COPG2: variants seen among roughly 807,000 people sequenced by gnomAD.
The protein encoded by COPG2 is coat protein complex I subunit gamma 2, also known as coatomer subunit gamma-2.
Under a neutral mutation model 46.3 loss-of-function variants are expected in COPG2, and 37 were observed. The observed-to-expected ratio is 0.80, with a 90% CI of 0.61 to 1.05. The LOEUF is 1.05. COPG2 is among the 50% of genes least tolerant of loss of function. COPG2 has a pLI of 0.00. For missense variants in COPG2, 427 were observed against 387.8 expected (o/e 1.10, Z -0.85); for synonymous variants, 159 against 129.7 (o/e 1.23, Z -1.53).
chr7:130,667,983 CT>C (rs1467063071), intron 1 of COPG2, among the ~76,000 whole-genome samples: 1 of 152,190 alleles, frequency 6.6e-6, no homozygotes, highest in Non-Finnish European at 1.5e-5. Flanking sequence ...ACCCAACCCC[CT>C]CTCACACTGT....
intron 20 of COPG2, among the ~76,000 whole-genome samples, chr7:130,513,349 G>A (rs1799639647): frequency 2.2e-5 from 2 of 90,030 alleles, no homozygotes; most frequent in African/African-American, 4.5e-5. Context: ...ATATGTGTGT[G>A]TGTGTGTGTG....
chr7:130,595,006 T>A (rs1393111221), intron 9 of COPG2, among the ~76,000 whole-genome samples: 1 of 152,194 alleles, frequency 6.6e-6, no homozygotes, highest in East Asian at 1.9e-4. Context: ...GCAGTTCTGA[T>A]CCTAGGTATG....
chr7:130,528,954 A>T (rs1232061096), intron 20 of COPG2, among the ~76,000 whole-genome samples: 2 of 152,054 alleles, frequency 1.3e-5, no homozygotes. Context: ...GGAATGAAGG[A>T]CAGGAGGGAG....
chr7:130,529,867 C>T (rs1027615617), intron 20 of COPG2, among the ~76,000 whole-genome samples: 141 of 152,322 alleles, frequency 9.3e-4, no homozygotes, highest in African/African-American at 3.2e-3. Flanking sequence ...ACTGAATCCA[C>T]GTTTCTGCTG....
chr7:130,649,833 C>T (rs775545944), intron 5 of COPG2, among the ~76,000 whole-genome samples: 42 of 152,272 alleles, frequency 2.8e-4, no homozygotes, highest in Admixed American at 2.2e-3. Flanking sequence ...GTATTTGTTA[C>T]GGCAGCACCC....
chr7:130,652,829 T>G, intron 5 of COPG2, 40 bp downstream of exon 5: 1 of 1,274,540 alleles, frequency 7.8e-7, no homozygotes, highest in Non-Finnish European at 1.1e-6. Flanking sequence ...AAACAGCAAA[T>G]ATATAAGTAT....
chr7:130,604,818 T>C (rs1794698859), intron 9 of COPG2: 1 of 475,508 alleles, frequency 2.1e-6, no homozygotes. Context: ...TTTTGTACTG[T>C]TGTCAGAATA....
At chr7:130,509,705 T>C (rs566964100) in intron 20 of COPG2, 5 of 519,684 alleles carry the variant, frequency 9.6e-6, no homozygotes, top group African/African-American at 9.6e-5. Context: ...TGAGACATGA[T>C]CTCTGTCTCT....
At chr7:130,630,683 T>C (rs1369976884) in intron 5 of COPG2, among the ~76,000 whole-genome samples, 5 of 152,246 alleles carry the variant, frequency 3.3e-5, no homozygotes, top group African/African-American at 1.2e-4. Flanking sequence ...AATATTACTT[T>C]GTCCTCTTGG....
chr7:130,540,679 G>C (rs1799926808), intron 20 of COPG2, among the ~76,000 whole-genome samples: 2 of 152,056 alleles, frequency 1.3e-5, no homozygotes, highest in Non-Finnish European at 2.9e-5. Context: ...TGTTAAGTGG[G>C]AAGTTAAATG....
At chr7:130,550,480 G>A (rs1026141232) in intron 17 of COPG2, 44 bp downstream of exon 17, 124 of 285,868 alleles carry the variant, frequency 4.3e-4, no homozygotes, top group Non-Finnish European at 5.6e-4. Context: ...ATATTTTTTA[G>A]TTTTGCAAAA....
intron 10 of COPG2, 61 bp downstream of exon 10, chr7:130,564,199 C>T: frequency 2.5e-6 from 1 of 398,364 alleles, no homozygotes; most frequent in Non-Finnish European, 4.4e-6. Flanking sequence ...TTCTGTAGAC[C>T]TATGAAACTT....
chr7:130,577,784 A>AC lies in COPG2; in HGVS notation c.738-13392_738-13391insG, dbSNP rs545668351. ...CTCCGTCTCAAAAAAAAAAAAAAAA[A>AC]AAAACAAAAAAAAAAAACAGCCCAC... On this transcript the variant is annotated intron_variant, in intron 9 of 23. Coordinates refer to ENST00000425248, the MANE Select transcript of COPG2 (RefSeq NM_012133.6). Among the ~76,000 whole-genome samples the AC allele has an allele frequency of 4.8e-3, 720 of 150,406 alleles. 4 individuals are homozygous for AC. The highest frequency in any genetic ancestry group is 0.017 in the African/African-American group (681 of 40,718).
At chr7:130,664,345 G>A (rs1288101417) in intron 3 of COPG2, among the ~76,000 whole-genome samples, 1 of 152,142 alleles carries the variant, frequency 6.6e-6, no homozygotes, top group African/African-American at 2.4e-5. Context: ...AGTACAATAA[G>A]TTTATACTTA....
intron 9 of COPG2, among the ~76,000 whole-genome samples, chr7:130,596,019 G>A (rs1006470590): frequency 5.9e-5 from 9 of 152,206 alleles, no homozygotes; most frequent in Admixed American, 2.0e-4. Flanking sequence ...AACGCAGTTC[G>A]CCCTGACAGT....
intron 20 of COPG2, among the ~76,000 whole-genome samples, chr7:130,519,107 G>A (rs1352719962): frequency 6.6e-6 from 1 of 152,056 alleles, no homozygotes; most frequent in Non-Finnish European, 1.5e-5. Flanking sequence ...GGGGTGCTGA[G>A]CATGCAATGC....
At chr7:130,515,226 G>A (rs2116340719) in intron 20 of COPG2, among the ~76,000 whole-genome samples, 1 of 152,288 alleles carries the variant, frequency 6.6e-6, no homozygotes, top group South Asian at 2.1e-4. Context: ...TTGGCTCAAG[G>A]TTCCACAGGC....
At chr7:130,622,030 T>C (rs1795048881) in intron 5 of COPG2, among the ~76,000 whole-genome samples, 1 of 151,942 alleles carries the variant, frequency 6.6e-6, no homozygotes, top group African/African-American at 2.4e-5. Context: ...ACCCATGTTC[T>C]ATACCTCTGT....
intron 20 of COPG2, among the ~76,000 whole-genome samples, chr7:130,543,163 G>A (rs1246485084): frequency 2.0e-5 from 3 of 152,206 alleles, no homozygotes; most frequent in Admixed American, 6.5e-5. Flanking sequence ...AAATTTGCAA[G>A]TGTGGGGGTT....
Sources: gnomAD v4.1 joint callset for allele counts (sites outside exome capture counted in the v4.1 genomes callset) on GRCh38, gnomAD v4.1.1 for gene constraint, MANE v1.5 for transcripts, NCBI Gene and HGNC (gene_info 2026-07-23, HGNC 2026-07-21) for gene names.